The following PRKDC variants were observed in gnomAD, a reference collection of about 807,000 sequenced individuals.
The protein encoded by PRKDC is protein kinase, DNA-activated, catalytic subunit.
Under a neutral mutation model 486.9 loss-of-function variants are expected in PRKDC, and 82 were observed. That is an observed-to-expected ratio of 0.17 (90% CI 0.14 to 0.20). The LOEUF (loss-of-function observed/expected upper bound fraction) is 0.20. PRKDC is among the 10% of genes least tolerant of loss of function. PRKDC has a pLI of 1.00. For synonymous variants in PRKDC, 1,895 were observed against 1,837.0 expected (o/e 1.03, Z -0.81); for missense variants, 4,504 against 5,038.2 (o/e 0.89, Z 3.21).
Position 47,936,489 on chromosome 8 carries a change from A to C in PRKDC, c.1142T>G (p.Val381Gly). ...AATGAGCTCAACGTACATGAAGTCA[A>C]CATCTTTTGCGTTTATAACCTTGCA... ...GPCKVINAKD[V>G]DFMYVELIQR... The change falls in exon 12 of 86, where the codon GTT becomes GGT. Residue 381 changes from valine (V) to glycine (G), a missense_variant. Transcript: ENST00000314191. 2.5e-6 allele frequency: 4 copies of C among 1,614,066 alleles called. No homozygotes were observed. Among genetic ancestry groups the C allele is most frequent in the Non-Finnish European group, 3.4e-6 (4 of 1,179,906 alleles).
intron 73 of PRKDC, among the ~76,000 whole-genome samples, chr8:47,797,209 T>C (rs1477659772): frequency 6.6e-6 from 1 of 152,238 alleles, no homozygotes; most frequent in East Asian, 1.9e-4. Flanking sequence ...TGCACGTGTC[T>C]ACTGGGTGTT....
At chr8:47,834,518 G>A in intron 58 of PRKDC, 122 bp from the exon 59 acceptor site, 1 of 995,756 alleles carries the variant, frequency 1.0e-6, no homozygotes, top group Non-Finnish European at 1.5e-6. Context: ...TCCAACCCTG[G>A]GCAGAGGCTC....
chr8:47,788,916 T>G lies in PRKDC; in HGVS notation c.10892A>C (p.Lys3631Thr). 6.3e-7 allele frequency: 1 copy of G among 1,594,178 alleles called. No homozygotes were observed. Among genetic ancestry groups the G allele is most frequent in the Non-Finnish European group, 8.5e-7 (1 of 1,174,184 alleles). The change falls in exon 76 of 86, where the codon AAG (lysine) becomes ACG (threonine). Residue 3631 changes from lysine to threonine, a missense_variant. Coordinates refer to ENST00000314191, the MANE Select transcript of PRKDC (RefSeq NM_006904.7). ...KAPGLGAFRRKFIQTFGKEFD... is the reference protein window; with the variant it reads ...KAPGLGAFRRTFIQTFGKEFD... ...TGTGCCAGTCCATACCTGAATAAACTTCCTTCTAAAGGCCCCCAGGCCTGG... is the reference window on the plus strand; with the variant it reads ...TGTGCCAGTCCATACCTGAATAAACGTCCTTCTAAAGGCCCCCAGGCCTGG...
chr8:47,939,541 T>C lies in PRKDC; in HGVS notation c.1113+10A>G, dbSNP rs766261087. 5.7e-5 allele frequency: 91 copies of C among 1,604,826 alleles called. No individual in the cohort carries two copies. Among genetic ancestry groups the C allele is most frequent in the Non-Finnish European group, 7.6e-5 (89 of 1,176,632 alleles). ...ACCAAGACAAAATAGAGTAAGTTAA[T>C]GAGACATACTCCTGCAAAAAGTCCA... is the stretch of plus-strand genomic sequence containing the variant. On this transcript the variant is annotated intron_variant, in intron 11 of 85. Coordinates refer to ENST00000314191, the MANE Select transcript of PRKDC (RefSeq NM_006904.7).
chr8:47,791,173 A>C (rs2086876101), intron 74 of PRKDC, among the ~76,000 whole-genome samples: 1 of 152,200 alleles, frequency 6.6e-6, no homozygotes, highest in African/African-American at 2.4e-5. Flanking sequence ...CCCATCTGAC[A>C]AGGAATTAAT....
chr8:47,796,364 T>A (rs569146669), intron 73 of PRKDC, among the ~76,000 whole-genome samples: 168 of 151,926 alleles, frequency 1.1e-3, no homozygotes, highest in Non-Finnish European at 2.0e-3. Flanking sequence ...AATAAATAAA[T>A]AAAAATAAAA....
At chr8:47,801,651 C>T (rs966331633) in intron 70 of PRKDC, among the ~76,000 whole-genome samples, 1 of 152,038 alleles carries the variant, frequency 6.6e-6, no homozygotes, top group African/African-American at 2.4e-5. Context: ...ATTAATAATC[C>T]AGAGTAGATC....
chr8:47,936,561 A>G (rs1313817438), intron 11 of PRKDC, 44 bp from the exon 12 acceptor site: 3 of 1,598,240 alleles, frequency 1.9e-6, no homozygotes, highest in Non-Finnish European at 2.6e-6. Flanking sequence ...TCTTATCAAG[A>G]TCAAAATAAT....
At position 47,773,262 on chromosome 8, in the gene PRKDC, G is replaced by A. The variant is rs904946493; in HGVS notation, c.*911C>T. The A allele has an allele frequency of 3.9e-5, 9 of 227,954 alleles. No individual in the cohort carries two copies. The highest frequency in any genetic ancestry group is 1.8e-4 in the African/African-American group (8 of 44,958). 14.1% of individuals were successfully genotyped at this position (227,954 alleles called of 1,614,324 possible). ...TGGGTGTGGAGGACTGGCGGGGGGGGACAGGGACTGCACATGGGAAGGAGC... is the reference window on the plus strand; with the variant it reads ...TGGGTGTGGAGGACTGGCGGGGGGGAACAGGGACTGCACATGGGAAGGAGC... On this transcript the variant is annotated 3_prime_UTR_variant, in exon 86 of 86. Coordinates refer to ENST00000314191, the MANE Select transcript of PRKDC (RefSeq NM_006904.7).
intron 58 of PRKDC, among the ~76,000 whole-genome samples, chr8:47,835,775 T>C (rs2088007273): frequency 6.6e-6 from 1 of 151,990 alleles, no homozygotes; most frequent in South Asian, 2.1e-4. Flanking sequence ...TTTGGTTTTT[T>C]TTTTTGAGAC....
chr8:47,935,830 C>T lies in PRKDC; in HGVS notation c.1349G>A (p.Ser450Asn), dbSNP rs951494739. The T allele has an allele frequency of 6.2e-7, 1 of 1,613,984 alleles. No individual in the cohort carries two copies. The highest frequency in any genetic ancestry group is 1.1e-5 in the South Asian group (1 of 91,086). Residue 450 changes from serine (S) to asparagine (N), a missense_variant, in exon 13 of 86, where the codon AGT (serine) becomes AAT (asparagine). Transcript: ENST00000314191. The stretch of plus-strand genomic sequence containing the variant: ...GCAACACACCAGCTGCATTTTTGGA[C>T]TGTACTGTGGGAAACTGTCTATCTG... ...VMQIDSFPQY[S>N]PKMQLVCCRA...
intron 62 of PRKDC, among the ~76,000 whole-genome samples, chr8:47,827,257 CTAAG>C (rs1408247034): frequency 6.6e-6 from 1 of 151,182 alleles, no homozygotes; most frequent in Non-Finnish European, 1.5e-5. Flanking sequence ...AAACAAAAAA[CTAAG>C]TATTTCATTT....
At chr8:47,932,233 G>A (rs949537927) in intron 16 of PRKDC, among the ~76,000 whole-genome samples, 4 of 152,052 alleles carry the variant, frequency 2.6e-5, no homozygotes, top group Non-Finnish European at 5.9e-5. Flanking sequence ...ACAGGCGCCC[G>A]CCACCATGCC....
At chr8:47,783,435 A>G (rs2086733385) in intron 78 of PRKDC, among the ~76,000 whole-genome samples, 1 of 152,000 alleles carries the variant, frequency 6.6e-6, no homozygotes, top group African/African-American at 2.4e-5. Flanking sequence ...TAAAAATTCA[A>G]AAAACAGAGC....
rs55829905 is a variant in PRKDC, at chr8:47,943,286, A to G, written c.889T>C (p.Leu297=). ...TTTGTGTGGGCACACCACTTTAACA[A>G]GACTTCAAATAGAGACACGTAGTTG... ...LDNYVSLFEV[L]LKWCAHTNVE... Residue 297 remains leucine, a synonymous_variant, in exon 10 of 86, where the codon TTG becomes CTG. Coordinates refer to ENST00000314191, the MANE Select transcript of PRKDC (RefSeq NM_006904.7). The G allele has an allele frequency of 6.2e-7, 1 of 1,612,780 alleles. No individual in the cohort carries two copies. The highest frequency in any genetic ancestry group is 2.2e-5 in the East Asian group (1 of 44,888).
intron 63 of PRKDC, among the ~76,000 whole-genome samples, chr8:47,824,289 A>G (rs140548887): frequency 7.9e-5 from 12 of 152,148 alleles, no homozygotes; most frequent in African/African-American, 2.9e-4. Context: ...CCTGGCCAAC[A>G]TGGTGAAACC....
chr8:47,839,558 A>G (rs189908033), intron 55 of PRKDC, among the ~76,000 whole-genome samples: 2 of 152,334 alleles, frequency 1.3e-5, no homozygotes, highest in Admixed American at 1.3e-4. Flanking sequence ...AGTCTTTGCA[A>G]GATCTTAAAA....
intron 7 of PRKDC, among the ~76,000 whole-genome samples, chr8:47,952,870 T>C (rs1421840717): frequency 6.6e-6 from 1 of 152,110 alleles, no homozygotes; most frequent in Non-Finnish European, 1.5e-5. Flanking sequence ...CCGGGTGCGG[T>C]GGCTCATGCC....
chr8:47,835,620 CAAAAAAAAAA>C (rs71548446), intron 58 of PRKDC, among the ~76,000 whole-genome samples: 115 of 20,480 alleles, frequency 5.6e-3, no homozygotes, highest in South Asian at 8.3e-3. Context: ...GACTCTGTCT[CAAAAAAAAAA>C]AAAAAAAAAA....
Sources: allele counts gnomAD v4.1 joint callset (sites outside exome capture counted in the v4.1 genomes callset), GRCh38; gene constraint gnomAD v4.1.1; transcripts MANE v1.5; gene names NCBI Gene and HGNC (gene_info 2026-07-23, HGNC 2026-07-21).